FABP12: variants seen among roughly 807,000 people sequenced by gnomAD.
FABP12 encodes fatty acid-binding protein 12.
A neutral mutation model predicts 13.7 loss-of-function variants in FABP12; 19 were observed. The observed-to-expected ratio is 1.39, with a 90% CI of 0.97 to 2.04. FABP12 has a LOEUF of 2.04. Ranked by LOEUF, FABP12 falls within the 30% of genes most tolerant of loss-of-function variation. FABP12 has a pLI of 0.00. For missense variants in FABP12, 182 were observed against 164.2 expected (o/e 1.11, Z -0.59); for synonymous variants, 61 against 57.0 (o/e 1.07, Z -0.32).
intron 1 of FABP12, among the ~76,000 whole-genome samples, chr8:81,542,858 C>T (rs1419928397): frequency 6.6e-6 from 1 of 152,158 alleles, no homozygotes; most frequent in Non-Finnish European, 1.5e-5. Flanking sequence ...TTCACAACAT[C>T]AGTGATTAAA....
chr8:81,588,910 C>T (rs1262468712), intron 1 of FABP12, among the ~76,000 whole-genome samples: 1 of 152,102 alleles, frequency 6.6e-6, no homozygotes, highest in East Asian at 1.9e-4. Context: ...TATGTCCAAA[C>T]TTAGAAGTGA....
At chr8:81,574,161 A>C (rs1809989385) in intron 1 of FABP12, among the ~76,000 whole-genome samples, 2 of 152,124 alleles carry the variant, frequency 1.3e-5, no homozygotes, top group Admixed American at 6.5e-5. Context: ...TTTAATCATA[A>C]AGGGATGCTG....
upstream of FABP12, among the ~76,000 whole-genome samples, chr8:81,536,413 T>G (rs555759657): frequency 1.1e-4 from 16 of 152,362 alleles, no homozygotes; most frequent in South Asian, 2.1e-3. Context: ...GATTTTCCAG[T>G]CTTTTGTCAT....
intron 1 of FABP12, among the ~76,000 whole-genome samples, chr8:81,566,767 G>A (rs753445356): frequency 6.6e-6 from 1 of 152,028 alleles, no homozygotes; most frequent in Non-Finnish European, 1.5e-5. Context: ...GATACCCACT[G>A]TCCCCAATAT....
At chr8:81,555,999 G>A (rs1207251228) in intron 1 of FABP12, among the ~76,000 whole-genome samples, 1 of 152,102 alleles carries the variant, frequency 6.6e-6, no homozygotes. Context: ...AGGGGATCAT[G>A]GGTATCTTGG....
At chr8:81,572,758 G>C (rs939688185) in intron 1 of FABP12, among the ~76,000 whole-genome samples, 2 of 151,970 alleles carry the variant, frequency 1.3e-5, no homozygotes, top group South Asian at 4.2e-4. Context: ...TTCTTTTGAG[G>C]ATTATCTATT....
upstream of FABP12, among the ~76,000 whole-genome samples, chr8:81,538,493 T>G (rs1204145421): frequency 2.6e-5 from 4 of 152,226 alleles, no homozygotes; most frequent in Non-Finnish European, 5.9e-5. Flanking sequence ...ATAACATATG[T>G]TCTTATAAGA....
intron 1 of FABP12, among the ~76,000 whole-genome samples, chr8:81,559,464 A>G (rs1217496991): frequency 6.6e-6 from 1 of 152,152 alleles, no homozygotes; most frequent in Non-Finnish European, 1.5e-5. Context: ...TCTAGGCCCC[A>G]CTTCCTTTTC....
At chr8:81,558,505 G>A (rs1028242509) in intron 1 of FABP12, among the ~76,000 whole-genome samples, 1 of 152,134 alleles carries the variant, frequency 6.6e-6, no homozygotes. Flanking sequence ...CAGTCCCTGA[G>A]CCTGCTCCAC....
chr8:81,527,771 C>A (rs116574228), intron 3 of FABP12, among the ~76,000 whole-genome samples: 4,264 of 152,194 alleles, frequency 0.028, 155 homozygotes, highest in African/African-American at 0.088. Context: ...CCAGCCTGGA[C>A]AGCACAGTGA....
intron 2 of FABP12, among the ~76,000 whole-genome samples, chr8:81,538,993 C>T (rs551023503): frequency 3.9e-5 from 6 of 152,070 alleles, no homozygotes; most frequent in Non-Finnish European, 8.8e-5. Context: ...GGATTACGGG[C>T]GTGCACCACC....
intron 2 of FABP12, among the ~76,000 whole-genome samples, chr8:81,539,440 T>A: frequency 7.1e-6 from 1 of 141,380 alleles, no homozygotes; most frequent in South Asian, 2.3e-4. Context: ...GTTCTTTTTT[T>A]TTTTTTTTTT....
chr8:81,576,283 T>A (rs112460559), intron 1 of FABP12, among the ~76,000 whole-genome samples: 3,987 of 152,212 alleles, frequency 0.026, 165 homozygotes, highest in African/African-American at 0.092. Flanking sequence ...TGAAATTTTT[T>A]TCCAATGAAT....
chr8:81,535,063 CT>C (rs1481586550), upstream of FABP12, among the ~76,000 whole-genome samples: 1 of 152,186 alleles, frequency 6.6e-6, no homozygotes, highest in Non-Finnish European at 1.5e-5. Context: ...CACCATGTAC[CT>C]GACACTGTAT....
chr8:81,527,399 G>T (rs1213281563), intron 3 of FABP12, among the ~76,000 whole-genome samples: 3 of 151,908 alleles, frequency 2.0e-5, no homozygotes, highest in Non-Finnish European at 4.4e-5. Flanking sequence ...TTTTGCTCTT[G>T]TCACCCAGGC....
intron 1 of FABP12, among the ~76,000 whole-genome samples, chr8:81,540,774 C>T (rs140699478): frequency 9.1e-4 from 138 of 152,266 alleles, no homozygotes; most frequent in Middle Eastern, 3.4e-3. Flanking sequence ...AAAATATACA[C>T]GTTAGATGTT....
intron 1 of FABP12, among the ~76,000 whole-genome samples, chr8:81,552,574 C>T (rs921956146): frequency 3.3e-5 from 5 of 152,054 alleles, no homozygotes; most frequent in Non-Finnish European, 7.4e-5. Context: ...GTGGAGAATG[C>T]TTGGAAGTAG....
intron 1 of FABP12, among the ~76,000 whole-genome samples, chr8:81,540,594 A>G (rs1224111237): frequency 6.6e-6 from 1 of 152,192 alleles, no homozygotes; most frequent in East Asian, 1.9e-4. Context: ...AAACCTGGGA[A>G]ATTGTCACAG....
intron 1 of FABP12, among the ~76,000 whole-genome samples, chr8:81,562,286 A>G (rs147425032): frequency 5.3e-4 from 80 of 152,340 alleles, no homozygotes; most frequent in African/African-American, 7.2e-4. Context: ...CAGTATCACT[A>G]TAGCCCTTGG....
Sources: gnomAD v4.1 joint callset for allele counts (sites outside exome capture counted in the v4.1 genomes callset) on GRCh38, gnomAD v4.1.1 for gene constraint, MANE v1.5 for transcripts, NCBI Gene and HGNC (gene_info 2026-07-23, HGNC 2026-07-21) for gene names.